CDH12: variants seen among roughly 807,000 people sequenced by gnomAD.
CDH12 encodes the protein cadherin 12, also known as cadherin-12.
A neutral mutation model predicts 74.1 loss-of-function variants in CDH12; 41 were observed. The ratio of observed to expected loss-of-function variants is 0.55; its 90% CI spans 0.43 to 0.72. The LOEUF (loss-of-function observed/expected upper bound fraction) is 0.72. CDH12 is among the 30% of genes least tolerant of loss of function. The probability of loss-of-function intolerance (pLI) is 0.00; values close to 1 mark genes in which losing one functional copy is unlikely to be tolerated. For missense variants in CDH12, 945 were observed against 977.2 expected (o/e 0.97, Z 0.44); for synonymous variants, 399 against 355.0 (o/e 1.12, Z -1.39).
At chr5:21,843,650 G>A (rs890604419) in intron 7 of CDH12, among the ~76,000 whole-genome samples, 1 of 152,048 alleles carries the variant, frequency 6.6e-6, no homozygotes, top group African/African-American at 2.4e-5. Context: ...GAGTAGCTGG[G>A]ATTACAGGCA....
intron 3 of CDH12, among the ~76,000 whole-genome samples, chr5:22,314,840 G>A (rs1561305685): frequency 1.3e-5 from 2 of 149,756 alleles, no homozygotes; most frequent in African/African-American, 4.9e-5. Flanking sequence ...GTTAGAATAG[G>A]TTATTATTTT....
intron 3 of CDH12, among the ~76,000 whole-genome samples, chr5:22,289,181 C>T (rs1370943527): frequency 6.6e-6 from 1 of 152,060 alleles, no homozygotes; most frequent in South Asian, 2.1e-4. Flanking sequence ...TTATCAAGTC[C>T]CAGAGAGGAT....
At chr5:21,827,565 T>TA (rs1243557599) in intron 8 of CDH12, among the ~76,000 whole-genome samples, 6 of 152,200 alleles carry the variant, frequency 3.9e-5, no homozygotes, top group African/African-American at 1.4e-4. Flanking sequence ...TACGAATTAT[T>TA]ACGTTTAATA....
At chr5:22,217,898 A>G (rs1250507463) in intron 3 of CDH12, among the ~76,000 whole-genome samples, 1 of 151,658 alleles carries the variant, frequency 6.6e-6, no homozygotes, top group Non-Finnish European at 1.5e-5. Context: ...AAAGATCTGC[A>G]AGCACTAATG....
chr5:22,657,131 C>G lies in CDH12; in HGVS notation c.-522-151767G>C, dbSNP rs555555811. Among the ~76,000 whole-genome samples the G allele has an allele frequency of 2.0e-5, 3 of 152,256 alleles. No homozygotes were observed. In the South Asian group the frequency reaches 6.2e-4, roughly 32 times the overall value. ...TCTAGATGAAACAATGTAGATTAAA[C>G]TATTAAGTGAAATTGCCAGAGAAAA... On this transcript the variant is annotated intron_variant, in intron 1 of 14. Coordinates refer to ENST00000382254, the MANE Select transcript of CDH12 (RefSeq NM_004061.5).
At chr5:22,705,333 A>T (rs1742948210) in intron 1 of CDH12, among the ~76,000 whole-genome samples, 1 of 152,074 alleles carries the variant, frequency 6.6e-6, no homozygotes, top group Non-Finnish European at 1.5e-5. Context: ...GGTCTGTCAA[A>T]CATACTGTTT....
rs1755982079 is a variant in CDH12 at position 21,953,933 on chromosome 5, T to C, written c.526+21158A>G. Among the ~76,000 whole-genome samples the C allele has an allele frequency of 2.0e-5, 3 of 152,104 alleles. No homozygotes were observed. In the South Asian group the frequency reaches 6.2e-4, roughly 32 times the overall value. On this transcript the variant is annotated intron_variant, in intron 6 of 14. Coordinates refer to ENST00000382254, the MANE Select transcript of CDH12 (RefSeq NM_004061.5). Reference sequence around the variant, plus strand: ...CCAGATGTCTCTCAGACTATATCTATGAAAAAATACATAACCAAATAGACA... The same window carrying C: ...CCAGATGTCTCTCAGACTATATCTACGAAAAAATACATAACCAAATAGACA...
chr5:22,030,760 C>T (rs972147222), intron 5 of CDH12, among the ~76,000 whole-genome samples: 1 of 152,300 alleles, frequency 6.6e-6, no homozygotes, highest in African/African-American at 2.4e-5. Context: ...GCCTCTTCTT[C>T]CAACAGAAGG....
At chr5:21,765,850 A>C (rs1205916133) in intron 11 of CDH12, among the ~76,000 whole-genome samples, 1 of 152,058 alleles carries the variant, frequency 6.6e-6, no homozygotes, top group Admixed American at 6.6e-5. Flanking sequence ...AATTAAATCA[A>C]TAAAGCATAA....
At chr5:22,780,802 A>G (rs1747351221) in intron 1 of CDH12, among the ~76,000 whole-genome samples, 1 of 152,138 alleles carries the variant, frequency 6.6e-6, no homozygotes, top group Non-Finnish European at 1.5e-5. Flanking sequence ...TGATCTATAG[A>G]CAAATATTTA....
chr5:22,366,902 G>C (rs1023363952), intron 3 of CDH12, among the ~76,000 whole-genome samples: 4 of 152,170 alleles, frequency 2.6e-5, no homozygotes, highest in Non-Finnish European at 5.9e-5. Flanking sequence ...GTGTCGCTTT[G>C]TGAAAAGTGC....
intron 1 of CDH12, among the ~76,000 whole-genome samples, chr5:22,540,120 T>A (rs968534577): frequency 1.4e-4 from 21 of 152,112 alleles, no homozygotes; most frequent in Non-Finnish European, 4.4e-5. Context: ...AATGTTTATC[T>A]TTTTTTAGCA....
chr5:22,647,011 G>T (rs982050900), intron 1 of CDH12, among the ~76,000 whole-genome samples: 2 of 151,938 alleles, frequency 1.3e-5, no homozygotes, highest in African/African-American at 4.8e-5. Flanking sequence ...TAAGCCAAGA[G>T]ATGATTCCAA....
intron 4 of CDH12, among the ~76,000 whole-genome samples, chr5:22,123,747 A>C (rs2150278492): frequency 6.6e-6 from 1 of 152,252 alleles, no homozygotes; most frequent in African/African-American, 2.4e-5. Context: ...CAACCAGACA[A>C]ATGAGACCTA....
chr5:22,505,067 C>T (rs1465093926), intron 2 of CDH12, among the ~76,000 whole-genome samples: 1 of 151,754 alleles, frequency 6.6e-6, no homozygotes, highest in African/African-American at 2.4e-5. Flanking sequence ...ATCCTATATT[C>T]TAAAAAATGT....
chr5:22,687,939 G>A (rs1167678648), intron 1 of CDH12, among the ~76,000 whole-genome samples: 1 of 152,112 alleles, frequency 6.6e-6, no homozygotes, highest in East Asian at 1.9e-4. Flanking sequence ...GTCTTGCTAA[G>A]TTTCATGTCT....
chr5:22,488,227 C>A (rs1325588288), intron 2 of CDH12, among the ~76,000 whole-genome samples: 1 of 152,166 alleles, frequency 6.6e-6, no homozygotes, highest in Non-Finnish European at 1.5e-5. Context: ...TCCTTCACTA[C>A]TTTTAAATAA....
Position 22,416,190 on chromosome 5 carries a change from T to A in CDH12, c.-427-10839A>T, listed in dbSNP as rs1333350100. On this transcript the variant is annotated intron_variant, in intron 2 of 14. Transcript: ENST00000382254. Reference sequence around the variant, plus strand: ...CCCAGGTTCACGCCATTCTCCTGCCTCAGCCTCCCGAGTAGCTGGGACTAC... The same window carrying A: ...CCCAGGTTCACGCCATTCTCCTGCCACAGCCTCCCGAGTAGCTGGGACTAC... Among the ~76,000 whole-genome samples, 3 of 149,070 alleles carry A rather than the reference T, an allele frequency of 2.0e-5. No individual in the cohort carries two copies. In the East Asian group the frequency reaches 6.0e-4, roughly 30 times the overall value.
intron 1 of CDH12, among the ~76,000 whole-genome samples, chr5:22,650,928 G>A (rs1025703026): frequency 4.0e-5 from 6 of 151,870 alleles, no homozygotes; most frequent in Admixed American, 6.6e-5. Context: ...AACGAGAGGC[G>A]ATAACTGTTA....
Sources: allele counts gnomAD v4.1 joint callset (sites outside exome capture counted in the v4.1 genomes callset), GRCh38; gene constraint gnomAD v4.1.1; transcripts MANE v1.5; gene names NCBI Gene and HGNC (gene_info 2026-07-23, HGNC 2026-07-21).